Variants in AKAP12 observed in about 807,000 individuals in gnomAD.
AKAP12 encodes the protein A-kinase anchor protein 12.
In AKAP12, 32 loss-of-function variants were observed where a neutral mutation model predicts 79.9. The observed-to-expected ratio is 0.40, with a 90% CI of 0.30 to 0.54. The LOEUF (loss-of-function observed/expected upper bound fraction) is 0.54. Ranked by LOEUF, AKAP12 falls within the 20% of genes least tolerant of loss-of-function variation. AKAP12 has a pLI of 0.48. For missense variants in AKAP12, 2,074 were observed against 2,177.0 expected, an observed-to-expected ratio of 0.95 and a Z score of 0.94; for synonymous variants, 808 against 857.0, an observed-to-expected ratio of 0.94 and a Z score of 1.00.
intron 4 of AKAP12, among the ~76,000 whole-genome samples, chr6:151,355,426 C>T (rs532749285): frequency 6.6e-6 from 1 of 151,594 alleles, no homozygotes; most frequent in Non-Finnish European, 1.5e-5. Context: ...CCTCAGCCTC[C>T]CGAATAGCAG....
chr6:151,313,283 A>G (rs994939641), intron 3 of AKAP12, among the ~76,000 whole-genome samples: 3 of 152,222 alleles, frequency 2.0e-5, no homozygotes, highest in Non-Finnish European at 4.4e-5. Context: ...CAAGTGCCCA[A>G]TAGATAAAGA....
chr6:151,281,994 A>C (rs1357211918), intron 2 of AKAP12, among the ~76,000 whole-genome samples: 2 of 152,024 alleles, frequency 1.3e-5, no homozygotes, highest in African/African-American at 4.8e-5. Context: ...CACCAAGTGC[A>C]GTCTGGCATG....
At chr6:151,298,199 ATCT>A (rs1385954926) in intron 2 of AKAP12, among the ~76,000 whole-genome samples, 2 of 152,130 alleles carry the variant, frequency 1.3e-5, no homozygotes, top group African/African-American at 4.8e-5. Flanking sequence ...GTCCATTTAG[ATCT>A]TTATATAAAC....
At chr6:151,243,062 A>G (rs1015203622) in intron 2 of AKAP12, among the ~76,000 whole-genome samples, 8 of 152,228 alleles carry the variant, frequency 5.3e-5, no homozygotes, top group South Asian at 4.1e-4. Context: ...GTTTGACCAA[A>G]AACTTCAGAT....
Position 151,240,427 on chromosome 6 carries a change from G to T in AKAP12, c.-136G>T. The T allele has an allele frequency of 3.1e-6, 3 of 970,780 alleles. No individual in the cohort carries two copies. Among genetic ancestry groups the T allele is most frequent in the South Asian group, 3.3e-5 (1 of 29,868 alleles). The allele number at this position is 970,780 out of a possible 1,614,324, so 60.1% of individuals were successfully genotyped here. A position where few individuals can be genotyped will look rare whatever the true frequency, so the allele number is the denominator to read the frequency against. On this transcript the variant is annotated 5_prime_UTR_variant, in exon 2 of 5. Coordinates refer to ENST00000402676, the MANE Select transcript of AKAP12 (RefSeq NM_005100.4). The stretch of plus-strand genomic sequence containing the variant: ...TCTCCTTCATTCGCAGGCTGGGCGC[G>T]TTCGCAGTCGGCTGGCGGCGAAGGA...
chr6:151,304,020 G>T (rs1776921172), intron 2 of AKAP12, among the ~76,000 whole-genome samples: 5 of 152,130 alleles, frequency 3.3e-5, no homozygotes. Context: ...TTGAGTCCCG[G>T]TGTCATTATT....
chr6:151,322,732 G>A (rs572251011), intron 3 of AKAP12, among the ~76,000 whole-genome samples: 36 of 148,444 alleles, frequency 2.4e-4, no homozygotes, highest in African/African-American at 8.4e-4. Flanking sequence ...GCCACTGGGC[G>A]TGTCCACCAC....
chr6:151,332,316 G>T (rs546132326), intron 3 of AKAP12, among the ~76,000 whole-genome samples: 1 of 152,044 alleles, frequency 6.6e-6, no homozygotes, highest in African/African-American at 2.4e-5. Context: ...GATTACAGAC[G>T]TGAGCCACCG....
chr6:151,277,553 A>G (rs74317248), intron 2 of AKAP12, among the ~76,000 whole-genome samples: 4,517 of 152,332 alleles, frequency 0.03, 224 homozygotes, highest in African/African-American at 0.1. Context: ...TGCTTGGTAA[A>G]TGATAGATGT....
intron 2 of AKAP12, among the ~76,000 whole-genome samples, chr6:151,252,817 A>G (rs1797211605): frequency 6.6e-6 from 1 of 152,022 alleles, no homozygotes; most frequent in Non-Finnish European, 1.5e-5. Context: ...TGATGGCATC[A>G]TGCCACAGTG....
rs116281113 is a variant in AKAP12 at position 151,269,923 on chromosome 6, C to T, written c.162+29199C>T. On this transcript the variant is annotated intron_variant, in intron 2 of 4. Transcript: ENST00000402676. Reference sequence around the variant, plus strand: ...AGTAACCACAGAGCCAAATCTGTCTCTCTATGGATTTGCCTATTTTGGACA... The same window carrying T: ...AGTAACCACAGAGCCAAATCTGTCTTTCTATGGATTTGCCTATTTTGGACA... Among the ~76,000 whole-genome samples the T allele has an allele frequency of 6.3e-3, 958 of 152,292 alleles. 9 individuals are homozygous for T. Among genetic ancestry groups the T allele is most frequent in the African/African-American group, 0.021 (867 of 41,560 alleles).
intron 2 of AKAP12, among the ~76,000 whole-genome samples, chr6:151,304,751 G>A (rs1259977869): frequency 6.6e-6 from 1 of 151,608 alleles, no homozygotes; most frequent in East Asian, 2.0e-4. Context: ...TAATTTTTTT[G>A]TATTATTAGT....
intron 2 of AKAP12, among the ~76,000 whole-genome samples, chr6:151,288,721 C>T (rs567371479): frequency 7.2e-5 from 11 of 152,310 alleles, no homozygotes; most frequent in Admixed American, 5.9e-4. Context: ...GAAGTCACAA[C>T]TCATGCTTTT....
intron 2 of AKAP12, among the ~76,000 whole-genome samples, chr6:151,304,338 A>T (rs1474757087): frequency 2.0e-5 from 3 of 151,222 alleles, no homozygotes; most frequent in Admixed American, 1.3e-4. Context: ...AAAATACAAA[A>T]ATTAGCCAGG....
At chr6:151,291,418 A>T (rs967189556) in intron 2 of AKAP12, among the ~76,000 whole-genome samples, 4 of 152,138 alleles carry the variant, frequency 2.6e-5, no homozygotes, top group Non-Finnish European at 5.9e-5. Context: ...GCTATGCCAG[A>T]TCCAGAGAAG....
chr6:151,358,305 C>T lies in AKAP12; in HGVS notation c.*2591C>T, dbSNP rs769970365. ...ACTTCTTGTAATATCAAATGTTCCC[C>T]CTCAGGTTATTTTGCTTATGGTACC... On this transcript the variant is annotated 3_prime_UTR_variant, in exon 5 of 5. Transcript: ENST00000402676. The T allele has an allele frequency of 6.6e-6, 1 of 152,152 alleles. No homozygotes were observed. The highest frequency in any genetic ancestry group is 1.5e-5 in the Non-Finnish European group (1 of 68,036). 9.4% of individuals were successfully genotyped at this position (152,152 alleles called of 1,614,324 possible).
intron 3 of AKAP12, among the ~76,000 whole-genome samples, chr6:151,339,024 G>C (rs189941319): frequency 6.6e-6 from 1 of 152,282 alleles, no homozygotes; most frequent in East Asian, 1.9e-4. Context: ...ATCACTATCT[G>C]TGAGTGGGTG....
chr6:151,340,011 C>T (rs1006699714), intron 3 of AKAP12, among the ~76,000 whole-genome samples: 11 of 152,058 alleles, frequency 7.2e-5, no homozygotes, highest in African/African-American at 2.7e-4. Context: ...ACTGCGAGCC[C>T]CGTCTCCCGG....
In AKAP12 at chr6:151,292,195, A is replaced by C. The variant is rs570538152; in HGVS notation, c.163-13552A>C. 3.3e-5 allele frequency among the ~76,000 whole-genome samples: 5 copies of C among 152,314 alleles called. No homozygotes were observed. In the East Asian group the frequency reaches 9.6e-4, roughly 29 times the overall value. On this transcript the variant is annotated intron_variant, in intron 2 of 4. Transcript: ENST00000402676. ...GATAATCACTGTTGATTCTTGGCTA[A>C]ATCACATTATCTTAGGCCATCTTTG... is the stretch of plus-strand genomic sequence containing the variant.
Sources: allele counts gnomAD v4.1 joint callset (sites outside exome capture counted in the v4.1 genomes callset), GRCh38; gene constraint gnomAD v4.1.1; transcripts MANE v1.5; gene names NCBI Gene and HGNC (gene_info 2026-07-23, HGNC 2026-07-21).